DDX19B: variants seen among roughly 807,000 people sequenced by gnomAD.
The protein encoded by DDX19B is ATP-dependent RNA helicase DDX19B.
Under a neutral mutation model 58.1 loss-of-function variants are expected in DDX19B, and 27 were observed. That is an observed-to-expected ratio of 0.46 (90% CI 0.34 to 0.64). DDX19B has a LOEUF of 0.64. Among genes scored for constraint, DDX19B ranks in the 30% least tolerant of loss-of-function variants. The pLI is 0.01. For missense variants in DDX19B, 399 were observed against 596.5 expected (o/e 0.67, Z 3.45); for synonymous variants, 187 against 214.4 (o/e 0.87, Z 1.12).
upstream of DDX19B, among the ~76,000 whole-genome samples, chr16:70,297,007 C>T (rs1961247482): frequency 6.6e-6 from 1 of 152,100 alleles, no homozygotes; most frequent in African/African-American, 2.4e-5. Flanking sequence ...CCTCCACCTC[C>T]CGGGTTCAAG....
chr16:70,311,074 A>G lies in DDX19B; in HGVS notation c.58-1535A>G, dbSNP rs545264134. Among the ~76,000 whole-genome samples, 7 of 149,784 alleles carry G rather than the reference A, an allele frequency of 4.7e-5. No homozygotes were observed. The South Asian group carries it at 1.5e-3, about 32-fold the overall frequency. On this transcript the variant is annotated intron_variant, in intron 1 of 11. Coordinates refer to ENST00000288071, the MANE Select transcript of DDX19B (RefSeq NM_007242.7). ...TTTTTGTTTTGTTTTGTTTTTAATA[A>G]AAATGTACGACTAGAAAGGCCGGGC...
At chr16:70,294,472 G>T (rs909040889), upstream of DDX19B, among the ~76,000 whole-genome samples, 1 of 152,160 alleles carries the variant, frequency 6.6e-6, no homozygotes, top group Non-Finnish European at 1.5e-5. Context: ...GAGGATGTGC[G>T]TCTGCACCTA....
At chr16:70,330,158 T>G in intron 9 of DDX19B, 90 bp downstream of exon 9, 2 of 1,482,178 alleles carry the variant, frequency 1.3e-6, no homozygotes, top group Non-Finnish European at 1.9e-6. Flanking sequence ...CTGGGTGCCA[T>G]GGGAAGAAAC....
At chr16:70,289,888 T>C (rs999298761), upstream of DDX19B, 2 of 376,968 alleles carry the variant, frequency 5.3e-6, no homozygotes, top group African/African-American at 4.2e-5. Flanking sequence ...CTTGCTATAG[T>C]TGTTTATTTT....
intron 5 of DDX19B, among the ~76,000 whole-genome samples, chr16:70,321,343 C>T (rs1962798420): frequency 6.6e-6 from 1 of 152,096 alleles, no homozygotes; most frequent in African/African-American, 2.4e-5. Flanking sequence ...TTGTCTTGAA[C>T]TCCTACGCTC....
At chr16:70,330,635 G>A (rs1314115680) in intron 9 of DDX19B, among the ~76,000 whole-genome samples, 1 of 152,006 alleles carries the variant, frequency 6.6e-6, no homozygotes, top group Non-Finnish European at 1.5e-5. Context: ...CAAAAAAAGA[G>A]TATAAGCTGG....
intron 4 of DDX19B, 88 bp from the exon 5 acceptor site, chr16:70,317,408 A>G: frequency 9.8e-7 from 1 of 1,015,326 alleles, no homozygotes; most frequent in Non-Finnish European, 1.5e-6. Flanking sequence ...AACTATGTGT[A>G]AACAGTAAAA....
At chr16:70,310,766 C>T (rs1385538253) in intron 1 of DDX19B, among the ~76,000 whole-genome samples, 1 of 152,024 alleles carries the variant, frequency 6.6e-6, no homozygotes, top group Admixed American at 6.6e-5. Flanking sequence ...TGCGGTGGCT[C>T]ATGCCTGTAA....
chr16:70,300,287 T>C (rs2152182975), intron 1 of DDX19B, among the ~76,000 whole-genome samples: 1 of 151,934 alleles, frequency 6.6e-6, no homozygotes, highest in African/African-American at 2.4e-5. Context: ...CTCACTGCAG[T>C]CTCTGCCTCC....
intron 5 of DDX19B, among the ~76,000 whole-genome samples, chr16:70,318,909 C>T (rs1054845594): frequency 6.6e-6 from 1 of 151,772 alleles, no homozygotes; most frequent in Non-Finnish European, 1.5e-5. Flanking sequence ...TCGAGACCAT[C>T]CTGGCTAACA....
chr16:70,317,620 T>G (rs1468027090), intron 5 of DDX19B, 32 bp downstream of exon 5: 1 of 1,574,500 alleles, frequency 6.4e-7, no homozygotes, highest in South Asian at 1.1e-5. Context: ...CATTTCATTT[T>G]AGATTTTCTA....
upstream of DDX19B, among the ~76,000 whole-genome samples, chr16:70,290,497 A>C (rs896307264): frequency 2.0e-4 from 30 of 152,198 alleles, 1 homozygote; most frequent in South Asian, 8.3e-4. Flanking sequence ...ACTGCACTCC[A>C]GCCTGGCTAC....
In DDX19B at chr16:70,325,667, T is replaced by C. The variant is rs749257884; in HGVS notation, c.586T>C (p.Tyr196His). 10 of 1,613,418 alleles carry C rather than the reference T, an allele frequency of 6.2e-6. No homozygotes were observed. In the East Asian group the frequency reaches 1.6e-4, roughly 25 times the overall value. ...GKFYPELKLA[Y>H]AVRGNKLERG... ...ATTTTACCCTGAACTGAAGCTAGCTTATGCTGTTCGAGGCAATAAATGTGA... is the reference window on the plus strand; with the variant it reads ...ATTTTACCCTGAACTGAAGCTAGCTCATGCTGTTCGAGGCAATAAATGTGA... The change falls in exon 7 of 12, where the codon TAT becomes CAT. Residue 196 changes from tyrosine (Y) to histidine (H), a missense_variant. Around this residue, in one of 4 missense-constraint regions of DDX19B, gnomAD observed 67 missense variants for 74.3 expected, o/e 0.90. Transcript: ENST00000288071.
At chr16:70,328,473 C>T (rs548622748) in intron 7 of DDX19B, among the ~76,000 whole-genome samples, 1 of 150,914 alleles carries the variant, frequency 6.6e-6, no homozygotes, top group African/African-American at 2.4e-5. Flanking sequence ...AGCGATTCTC[C>T]TGCCCCAGCC....
upstream of DDX19B, among the ~76,000 whole-genome samples, chr16:70,293,151 G>A (rs544537025): frequency 8.6e-5 from 13 of 151,920 alleles, no homozygotes; most frequent in East Asian, 3.9e-4. Context: ...GCGTGATGGC[G>A]TATACCTTTA....
upstream of DDX19B, chr16:70,289,800 C>A: frequency 2.5e-6 from 1 of 401,904 alleles, no homozygotes; most frequent in Non-Finnish European, 4.8e-6. Context: ...ATTTTGGTTT[C>A]CATAGGCAAA....
At chr16:70,316,767 T>G (rs962233240) in intron 4 of DDX19B, among the ~76,000 whole-genome samples, 3 of 152,172 alleles carry the variant, frequency 2.0e-5, no homozygotes, top group Non-Finnish European at 4.4e-5. Flanking sequence ...GCTCAATTAT[T>G]GTTGATTACA....
At chr16:70,299,992 G>A (rs767850778) in intron 1 of DDX19B, among the ~76,000 whole-genome samples, 5 of 152,048 alleles carry the variant, frequency 3.3e-5, no homozygotes, top group African/African-American at 4.8e-5. Context: ...ACACTACTGC[G>A]TAGAATTAAT....
intron 5 of DDX19B, among the ~76,000 whole-genome samples, chr16:70,320,131 A>G (rs1223458474): frequency 2.7e-5 from 4 of 150,712 alleles, no homozygotes; most frequent in African/African-American, 9.8e-5. Context: ...TTTCTGGGAG[A>G]TAAGGTCTCA....
Sources: gnomAD v4.1 joint callset for allele counts (sites outside exome capture counted in the v4.1 genomes callset) on GRCh38, gnomAD v4.1.1 for gene constraint, gnomAD v4.1.1 regional missense constraint, MANE v1.5 for transcripts, NCBI Gene and HGNC (gene_info 2026-07-23, HGNC 2026-07-21) for gene names.